GSTCD: variants seen among roughly 807,000 people sequenced by gnomAD.
The protein encoded by GSTCD is glutathione S-transferase C-terminal domain-containing protein.
GSTCD carries 44 observed loss-of-function variants against 68.3 expected under a neutral mutation model. The ratio of observed to expected loss-of-function variants is 0.64; its 90% CI spans 0.51 to 0.83. The LOEUF (loss-of-function observed/expected upper bound fraction) is 0.83, where lower values mean the gene tolerates loss of function less well. Ranked by LOEUF, GSTCD falls within the 40% of genes least tolerant of loss-of-function variation. The pLI, the probability that GSTCD is intolerant of heterozygous loss-of-function variation, is 0.00. For missense variants in GSTCD, 739 were observed against 735.9 expected (o/e 1.00, Z -0.05); for synonymous variants, 273 against 255.2 (o/e 1.07, Z -0.67).
intron 5 of GSTCD, among the ~76,000 whole-genome samples, chr4:105,759,340 AC>A (rs908068429): frequency 4.0e-5 from 6 of 151,686 alleles, no homozygotes; most frequent in Non-Finnish European, 7.3e-5. Flanking sequence ...TAAAAGAATA[AC>A]CTACATCTAG....
At chr4:105,734,586 G>A (rs958413930) in intron 5 of GSTCD, among the ~76,000 whole-genome samples, 9 of 152,122 alleles carry the variant, frequency 5.9e-5, no homozygotes, top group South Asian at 2.1e-4. Flanking sequence ...TTAGCCATTC[G>A]TCTAATCTTT....
chr4:105,734,748 G>A (rs1002387842), intron 5 of GSTCD, among the ~76,000 whole-genome samples: 1 of 152,230 alleles, frequency 6.6e-6, no homozygotes, highest in Non-Finnish European at 1.5e-5. Context: ...TGGAGGGGGA[G>A]AGGTGCTCTG....
chr4:105,835,978 G>C (rs768922337), intron 9 of GSTCD, among the ~76,000 whole-genome samples: 6 of 152,062 alleles, frequency 3.9e-5, no homozygotes, highest in Non-Finnish European at 7.3e-5. Flanking sequence ...TCAGCTCTCA[G>C]GTGGAAGGAG....
intron 11 of GSTCD, 84 bp from the exon 12 acceptor site, chr4:105,845,357 G>T: frequency 2.7e-6 from 4 of 1,486,578 alleles, no homozygotes; most frequent in African/African-American, 1.4e-5. Flanking sequence ...TGCAGATTTT[G>T]TCACTATATA....
chr4:105,798,920 A>G (rs1296051922), intron 5 of GSTCD, among the ~76,000 whole-genome samples: 1 of 152,212 alleles, frequency 6.6e-6, no homozygotes, highest in Non-Finnish European at 1.5e-5. Context: ...AAAGTCCTAG[A>G]TGGCATCTTC....
Position 105,842,084 on chromosome 4 carries a change from G to C in GSTCD, c.1715G>C (p.Arg572Thr). 1 of 1,613,932 alleles carries C rather than the reference G, an allele frequency of 6.2e-7. No homozygotes were observed. Among genetic ancestry groups the C allele is most frequent in the South Asian group, 1.1e-5 (1 of 91,072 alleles). The change falls in exon 11 of 12, where the codon AGA (arginine) becomes ACA (threonine). Residue 572 changes from arginine (R) to threonine (T), a missense_variant. Arg to Thr is a moderately conservative substitution (Grantham distance 71). Coordinates refer to ENST00000515279, the MANE Select transcript of GSTCD (RefSeq NM_001370181.1). ...LSYKEHMILC[R>T]FADQTAVQLP... is the part of the protein sequence containing the mutation. ...TTTTAGGAACACATGATTCTGTGCA[G>C]ATTTGCAGACCAGACAGCTGTCCAG...
intron 5 of GSTCD, among the ~76,000 whole-genome samples, chr4:105,817,146 C>T (rs569524927): frequency 6.6e-6 from 1 of 151,792 alleles, no homozygotes; most frequent in African/African-American, 2.4e-5. Flanking sequence ...ATGTTTTGTA[C>T]TAATTAAACA....
chr4:105,776,332 T>C (rs935120440), intron 5 of GSTCD, among the ~76,000 whole-genome samples: 1 of 151,856 alleles, frequency 6.6e-6, no homozygotes, highest in Non-Finnish European at 1.5e-5. Flanking sequence ...CAACCCCCAT[T>C]CCAGGGTAGT....
In GSTCD at chr4:105,726,728, C is replaced by T; in HGVS notation, c.1044C>T (p.Thr348=). 6.2e-7 allele frequency: 1 copy of T among 1,613,854 alleles called. No individual in the cohort carries two copies. The highest frequency in any genetic ancestry group is 8.5e-7 in the Non-Finnish European group (1 of 1,179,884). ...QFLHLPKLLT[T]STEQHPNLCE... is the part of the protein sequence containing the mutation. ...TCCATTTACCAAAGTTGTTGACAACCTCAACTGAACAGCATCCAAACTTAT... is the reference window on the plus strand; with the variant it reads ...TCCATTTACCAAAGTTGTTGACAACTTCAACTGAACAGCATCCAAACTTAT... The change falls in exon 4 of 12, where the codon ACC becomes ACT. Residue 348 remains threonine (T), a synonymous_variant. Transcript: ENST00000515279.
chr4:105,746,298 G>A (rs775175967), intron 5 of GSTCD: 3 of 152,048 alleles, frequency 2.0e-5, no homozygotes, highest in Admixed American at 6.6e-5. Context: ...CATCATCAAG[G>A]TGTACATTCT....
intron 5 of GSTCD, among the ~76,000 whole-genome samples, chr4:105,805,320 T>G (rs1722445324): frequency 6.6e-6 from 1 of 152,126 alleles, no homozygotes; most frequent in African/African-American, 2.4e-5. Flanking sequence ...TAATGCAGAT[T>G]GACATCCATG....
intron 1 of GSTCD, among the ~76,000 whole-genome samples, chr4:105,716,320 GAATA>G (rs527855693): frequency 7.2e-5 from 11 of 152,226 alleles, no homozygotes; most frequent in Non-Finnish European, 1.5e-4. Flanking sequence ...AGTTGCCATT[GAATA>G]AATAAATACC....
At chr4:105,738,624 T>G (rs144135370) in intron 5 of GSTCD, among the ~76,000 whole-genome samples, 1 of 152,260 alleles carries the variant, frequency 6.6e-6, no homozygotes, top group African/African-American at 2.4e-5. Flanking sequence ...TTTTTTTTTC[T>G]TGTTTGTCTT....
In GSTCD at chr4:105,800,294, A is replaced by G. The variant is rs566581373; in HGVS notation, c.1241-22660A>G. ...TTTTAAAACAACCAGATCCCATGAG[A>G]TTTACTATCACAAGAACAGCACAGG... On this transcript the variant is annotated intron_variant, in intron 5 of 11. Coordinates refer to ENST00000515279, the MANE Select transcript of GSTCD (RefSeq NM_001370181.1). 2.0e-5 allele frequency among the ~76,000 whole-genome samples: 3 copies of G among 152,232 alleles called. No individual in the cohort carries two copies. In the South Asian group the frequency reaches 6.2e-4, roughly 32 times the overall value.
In GSTCD at chr4:105,837,743, C is replaced by T. The variant is rs1215757283; in HGVS notation, c.1665-116C>T. The T allele has an allele frequency of 2.6e-5, 13 of 505,934 alleles. No individual in the cohort carries two copies. In the East Asian group the frequency reaches 3.8e-4, roughly 15 times the overall value. 31.3% of individuals were successfully genotyped at this position (505,934 alleles called of 1,614,324 possible). On this transcript the variant is annotated intron_variant, in intron 9 of 11. Transcript: ENST00000515279. ...CAAACTGGCATAGTTTTTACTTCAC[C>T]ATAGCATTTTATGCTTTCTACATAC...
In GSTCD at chr4:105,719,441, C is replaced by T; in HGVS notation, c.808C>T (p.Leu270Phe). 6.2e-7 allele frequency: 1 copy of T among 1,614,078 alleles called. No homozygotes were observed. The highest frequency in any genetic ancestry group is 8.5e-7 in the Non-Finnish European group (1 of 1,179,968). The change falls in exon 3 of 12, where the codon CTT becomes TTT. Residue 270 changes from leucine (L) to phenylalanine (F), a missense_variant. By Grantham distance (22) the Leu-to-Phe change is conservative (BLOSUM62 0). Coordinates refer to ENST00000515279, the MANE Select transcript of GSTCD (RefSeq NM_001370181.1). ...CATCAGAAAAGCAAAAGCCTCCGAC[C>T]TTCCACCTCTGGAGCATGTGTTTGC... ...SHIRKAKASD[L>F]PPLEHVFAEG...
At chr4:105,752,607 A>G (rs1236199237) in intron 5 of GSTCD, among the ~76,000 whole-genome samples, 1 of 152,036 alleles carries the variant, frequency 6.6e-6, no homozygotes, top group African/African-American at 2.4e-5. Context: ...ATAGGAAATG[A>G]ATGAATTGAA....
intron 4 of GSTCD, among the ~76,000 whole-genome samples, chr4:105,728,954 A>AT (rs1420816679): frequency 6.6e-6 from 1 of 152,194 alleles, no homozygotes; most frequent in African/African-American, 2.4e-5. Flanking sequence ...TATGAGTGGT[A>AT]TTTTGGGGTA....
intron 1 of GSTCD, among the ~76,000 whole-genome samples, chr4:105,713,392 A>G (rs1732596176): frequency 6.6e-6 from 1 of 152,232 alleles, no homozygotes; most frequent in South Asian, 2.1e-4. Context: ...TATATCAAGG[A>G]TTACTGAAAC....
Sources: allele counts gnomAD v4.1 joint callset (sites outside exome capture counted in the v4.1 genomes callset), GRCh38; gene constraint gnomAD v4.1.1; transcripts MANE v1.5; gene names NCBI Gene and HGNC (gene_info 2026-07-23, HGNC 2026-07-21).